VPS50: variants seen among roughly 807,000 people sequenced by gnomAD.
VPS50 encodes the protein VPS50 subunit of EARP/GARPII complex, also known as syndetin.
Under a neutral mutation model 139.7 loss-of-function variants are expected in VPS50, and 70 were observed. The ratio of observed to expected loss-of-function variants is 0.50; its 90% CI spans 0.41 to 0.61. VPS50 has a LOEUF of 0.61. VPS50 is among the 20% of genes least tolerant of loss of function. VPS50 has a pLI of 0.00. For missense variants in VPS50, 921 were observed against 1,133.7 expected (o/e 0.81, Z 2.69); for synonymous variants, 365 against 376.7 (o/e 0.97, Z 0.36).
At chr7:93,233,118 TC>T (rs1794687551) in intron 1 of VPS50, among the ~76,000 whole-genome samples, 1 of 152,254 alleles carries the variant, frequency 6.6e-6, no homozygotes, top group Non-Finnish European at 1.5e-5. Context: ...ACTGATCTTT[TC>T]TTTTTTTTCC....
chr7:93,256,986 C>T (rs1795506814), intron 5 of VPS50, among the ~76,000 whole-genome samples: 1 of 152,030 alleles, frequency 6.6e-6, no homozygotes. Flanking sequence ...AAATGTCTAC[C>T]AATGTTCAGA....
intron 2 of VPS50, among the ~76,000 whole-genome samples, chr7:93,250,922 GA>G (rs1421758902): frequency 2.0e-5 from 3 of 151,980 alleles, no homozygotes; most frequent in Non-Finnish European, 4.4e-5. Context: ...ACAAACATAT[GA>G]AAAAAAGCTC....
Position 93,312,914 on chromosome 7 carries a change from G to A in VPS50, c.1855+1642G>A, listed in dbSNP as rs772031948. ...CTAGACTCAGCAGTTTTCAATGTCC[G>A]AACACATTCCTTGAGATGTAGTCAG... On this transcript the variant is annotated intron_variant, in intron 20 of 27. Transcript: ENST00000305866. Among the ~76,000 whole-genome samples, 4 of 152,030 alleles carry A rather than the reference G, an allele frequency of 2.6e-5. No individual in the cohort carries two copies. In the South Asian group the frequency reaches 6.2e-4, roughly 24 times the overall value.
chr7:93,292,381 A>G (rs1165271361), intron 13 of VPS50, among the ~76,000 whole-genome samples: 1 of 152,116 alleles, frequency 6.6e-6, no homozygotes, highest in Admixed American at 6.6e-5. Context: ...CTAAATAATA[A>G]AGAATACGTC....
At chr7:93,256,893 C>A (rs1407981883) in intron 5 of VPS50, among the ~76,000 whole-genome samples, 1 of 152,040 alleles carries the variant, frequency 6.6e-6, no homozygotes, top group Non-Finnish European at 1.5e-5. Context: ...ATATAACAAT[C>A]TGGCTTTAAA....
chr7:93,308,808 C>G lies in VPS50; in HGVS notation c.1630-16C>G. 7.1e-7 allele frequency: 1 copy of G among 1,402,206 alleles called. No homozygotes were observed. The highest frequency in any genetic ancestry group is 1.0e-6 in the Non-Finnish European group (1 of 991,082). The allele number at this position is 1,402,206 out of a possible 1,614,324, so 86.9% of individuals were successfully genotyped here. ...GCCCTTTATACTCATTTTTTAATAA[C>G]CTGTGTTTTCTTCAGTATGAATCTG... On this transcript the variant is annotated splice_polypyrimidine_tract_variant and intron_variant, in intron 18 of 27. Coordinates refer to ENST00000305866, the MANE Select transcript of VPS50 (RefSeq NM_017667.4).
intron 26 of VPS50, 89 bp from the exon 27 acceptor site, chr7:93,355,802 A>G (rs1431475784): frequency 8.9e-6 from 6 of 675,704 alleles, no homozygotes; most frequent in African/African-American, 1.8e-5. Context: ...ATCTGTCCAA[A>G]TATAGGTTAG....
intron 18 of VPS50, among the ~76,000 whole-genome samples, chr7:93,307,047 G>T (rs1584451738): frequency 6.6e-6 from 1 of 151,700 alleles, no homozygotes; most frequent in East Asian, 1.9e-4. Context: ...CTATAAAAGT[G>T]ATTCATTAAT....
chr7:93,276,327 A>G, intron 12 of VPS50, 22 bp downstream of exon 12: 1 of 1,587,496 alleles, frequency 6.3e-7, no homozygotes, highest in Non-Finnish European at 8.6e-7. Context: ...CTTAATTACT[A>G]TTCATATATC....
At position 93,256,520 on chromosome 7, in the gene VPS50, A is replaced by T. The variant is rs757506168; in HGVS notation, c.309A>T (p.Lys103Asn). Residue 103 changes from lysine (K) to asparagine (N), a missense_variant, in exon 5 of 28, where the codon AAA becomes AAT. By Grantham distance (94) the Lys-to-Asn change is moderately conservative. Coordinates refer to ENST00000305866, the MANE Select transcript of VPS50 (RefSeq NM_017667.4). ...LKQQQAAVSK[K>N]VADLILEKQP... is the part of the protein sequence containing the mutation. ...ACATCTTCTTATAGGTATCTAAAAA[A>T]GTGGCAGATTTAATCCTTGAAAAAC... is the stretch of plus-strand genomic sequence containing the variant. The T allele has an allele frequency of 3.5e-6, 5 of 1,436,688 alleles. No homozygotes were observed. Among genetic ancestry groups the T allele is most frequent in the Admixed American group, 2.6e-5 (1 of 38,172 alleles). 89.0% of individuals were successfully genotyped at this position (1,436,688 alleles called of 1,614,324 possible).
intron 1 of VPS50, among the ~76,000 whole-genome samples, chr7:93,233,990 A>G (rs1251151527): frequency 6.6e-6 from 1 of 152,244 alleles, no homozygotes; most frequent in Non-Finnish European, 1.5e-5. Flanking sequence ...GAAAATTGGA[A>G]GCAGGCTGTT....
In VPS50 at chr7:93,305,856, C is replaced by T. The variant is rs537749133; in HGVS notation, c.1481C>T (p.Ser494Phe). ...TTTAAATTCATGGAACAGTCTCGCTCCCCATCAGTTTCACCTAGTAAACAG... is the reference window on the plus strand; with the variant it reads ...TTTAAATTCATGGAACAGTCTCGCTTCCCATCAGTTTCACCTAGTAAACAG... Reference protein sequence around the residue: ...HEFKFMEQSRSPSVSPSKQPV... With the variant: ...HEFKFMEQSRFPSVSPSKQPV... The change falls in exon 18 of 28, where the codon TCC becomes TTC. Residue 494 changes from serine (S) to phenylalanine (F), a missense_variant. Around this residue, in one of 3 missense-constraint regions of VPS50, gnomAD observed 744 missense variants for 930.6 expected, o/e 0.80. Coordinates refer to ENST00000305866, the MANE Select transcript of VPS50 (RefSeq NM_017667.4). 2 of 1,612,452 alleles carry T rather than the reference C, an allele frequency of 1.2e-6. No homozygotes were observed. The highest frequency in any genetic ancestry group is 2.2e-5 in the East Asian group (1 of 44,822).
chr7:93,343,361 T>G (rs1435387100), intron 23 of VPS50, among the ~76,000 whole-genome samples: 9 of 152,154 alleles, frequency 5.9e-5, no homozygotes, highest in Admixed American at 5.9e-4. Flanking sequence ...GTCTGATTGG[T>G]GTACCTGAAA....
At chr7:93,347,720 G>C (rs548635024) in intron 23 of VPS50, among the ~76,000 whole-genome samples, 2 of 147,222 alleles carry the variant, frequency 1.4e-5, no homozygotes. Flanking sequence ...GTAAACTATC[G>C]CAAGAACAAA....
intron 21 of VPS50, among the ~76,000 whole-genome samples, chr7:93,331,136 C>G (rs1797927646): frequency 1.3e-5 from 2 of 151,228 alleles, no homozygotes; most frequent in South Asian, 4.2e-4. Context: ...TAATGAGATA[C>G]ACCATGTGCA....
intron 25 of VPS50, among the ~76,000 whole-genome samples, chr7:93,351,853 G>T (rs552066047): frequency 1.3e-5 from 2 of 152,158 alleles, no homozygotes; most frequent in Non-Finnish European, 2.9e-5. Context: ...CTGTGAGGAG[G>T]CTGCTTGTTT....
intron 12 of VPS50, among the ~76,000 whole-genome samples, chr7:93,285,277 G>A (rs1016197101): frequency 2.0e-5 from 3 of 152,128 alleles, no homozygotes; most frequent in East Asian, 1.9e-4. Flanking sequence ...TTGTTAGGAT[G>A]TGATTAGAGT....
chr7:93,334,415 A>G (rs887813190), intron 22 of VPS50, among the ~76,000 whole-genome samples: 9 of 152,214 alleles, frequency 5.9e-5, no homozygotes, highest in African/African-American at 2.2e-4. Context: ...ATCTAGCACA[A>G]GTTCAAAGAA....
intron 13 of VPS50, among the ~76,000 whole-genome samples, chr7:93,292,060 T>C (rs1796663303): frequency 6.6e-6 from 1 of 152,080 alleles, no homozygotes. Context: ...TAGTACTAGT[T>C]TCCAGAAGTG....
Sources: allele counts gnomAD v4.1 joint callset (sites outside exome capture counted in the v4.1 genomes callset), GRCh38; gene constraint gnomAD v4.1.1; regional missense constraint gnomAD v4.1.1; transcripts MANE v1.5; gene names NCBI Gene and HGNC (gene_info 2026-07-23, HGNC 2026-07-21).